SAMD12: variants seen among roughly 807,000 people sequenced by gnomAD.
SAMD12 encodes the protein sterile alpha motif domain-containing protein 12.
In SAMD12, 9 loss-of-function variants were observed where a neutral mutation model predicts 15.0. The observed-to-expected ratio is 0.60, with a 90% CI of 0.36 to 1.05. SAMD12 has a LOEUF of 1.05. Ranked by LOEUF, SAMD12 falls within the 50% of genes least tolerant of loss-of-function variation. The pLI is 0.01. For missense variants in SAMD12, 230 were observed against 234.2 expected, an observed-to-expected ratio of 0.98 and a Z score of 0.12; for synonymous variants, 86 against 90.1, an observed-to-expected ratio of 0.96 and a Z score of 0.25.
chr8:118,587,437 A>G (rs1235715027), intron 1 of SAMD12, among the ~76,000 whole-genome samples: 1 of 152,188 alleles, frequency 6.6e-6, no homozygotes, highest in African/African-American at 2.4e-5. Flanking sequence ...CAACACTCTC[A>G]TTTTTGCCAC....
intron 3 of SAMD12, among the ~76,000 whole-genome samples, chr8:118,423,392 C>T (rs1452622893): frequency 3.3e-5 from 5 of 152,110 alleles, no homozygotes; most frequent in South Asian, 2.1e-4. Context: ...GCTCACAGGA[C>T]GTTATATTTT....
intron 2 of SAMD12, among the ~76,000 whole-genome samples, chr8:118,456,698 G>T (rs1471638043): frequency 6.6e-6 from 1 of 152,192 alleles, no homozygotes; most frequent in Non-Finnish European, 1.5e-5. Context: ...GAATGTGTCT[G>T]CTCTGTCTCC....
chr8:118,443,929 C>T (rs1474261448), intron 2 of SAMD12, among the ~76,000 whole-genome samples: 1 of 152,174 alleles, frequency 6.6e-6, no homozygotes, highest in African/African-American at 2.4e-5. Flanking sequence ...CATGTTAAAC[C>T]TTATCACTTG....
chr8:118,518,161 C>T (rs1466444591), intron 2 of SAMD12, among the ~76,000 whole-genome samples: 1 of 152,172 alleles, frequency 6.6e-6, no homozygotes, highest in Admixed American at 6.5e-5. Flanking sequence ...CTTTGAAAAA[C>T]CAGGCATAAG....
chr8:118,612,043 C>G (rs558981057), intron 1 of SAMD12, among the ~76,000 whole-genome samples: 1 of 152,188 alleles, frequency 6.6e-6, no homozygotes, highest in Non-Finnish European at 1.5e-5. Flanking sequence ...AGCCTCACCC[C>G]TGCCATCCCC....
chr8:118,222,422 A>C (rs1812102141), intron 4 of SAMD12, among the ~76,000 whole-genome samples: 1 of 152,188 alleles, frequency 6.6e-6, no homozygotes, highest in Non-Finnish European at 1.5e-5. Context: ...CTAATTTAGA[A>C]AGTGGAGATA....
intron 2 of SAMD12, among the ~76,000 whole-genome samples, chr8:118,514,477 C>T (rs1354854591): frequency 1.3e-5 from 2 of 152,196 alleles, no homozygotes; most frequent in Non-Finnish European, 2.9e-5. Flanking sequence ...CATTCCATTA[C>T]TCTCTTCACT....
intron 4 of SAMD12, among the ~76,000 whole-genome samples, chr8:118,334,536 GTTC>G (rs1327708269): frequency 6.6e-6 from 1 of 151,926 alleles, no homozygotes. Context: ...TTGTCAGGAA[GTTC>G]TTCTCAAATC....
At chr8:118,294,814 T>A (rs183258223) in intron 4 of SAMD12, among the ~76,000 whole-genome samples, 19 of 152,306 alleles carry the variant, frequency 1.2e-4, no homozygotes, top group Admixed American at 2.6e-4. Context: ...TCTCTGAGCA[T>A]CTGCTTGGAT....
At chr8:118,202,930 A>T (rs1439509136) in intron 4 of SAMD12, among the ~76,000 whole-genome samples, 1 of 152,228 alleles carries the variant, frequency 6.6e-6, no homozygotes, top group African/African-American at 2.4e-5. Flanking sequence ...ATATGCCTAC[A>T]AAGGTTTTAT....
At chr8:118,492,637 C>T (rs1217964221) in intron 2 of SAMD12, among the ~76,000 whole-genome samples, 1 of 152,108 alleles carries the variant, frequency 6.6e-6, no homozygotes, top group Non-Finnish European at 1.5e-5. Context: ...TGTATTATTA[C>T]AGTGGGCCCA....
intron 2 of SAMD12, among the ~76,000 whole-genome samples, chr8:118,529,750 T>C (rs941182642): frequency 6.6e-6 from 1 of 152,222 alleles, no homozygotes; most frequent in Non-Finnish European, 1.5e-5. Context: ...CTGAGCAGTA[T>C]TCCATGATAT....
chr8:118,478,453 G>A (rs534918331), intron 2 of SAMD12, among the ~76,000 whole-genome samples: 1 of 152,320 alleles, frequency 6.6e-6, no homozygotes, highest in Non-Finnish European at 1.5e-5. Context: ...ACAAAGTAAT[G>A]AACCTGCTGC....
the SAMD12 span, among the ~76,000 whole-genome samples, chr8:118,136,826 G>T: frequency 3.3e-5 from 5 of 152,268 alleles, no homozygotes; most frequent in Admixed American, 6.5e-5. Flanking sequence ...AAGCAAAAGG[G>T]TAATCAATCC....
intron 3 of SAMD12, among the ~76,000 whole-genome samples, chr8:118,386,952 C>A (rs744080): frequency 2.0e-5 from 3 of 152,204 alleles, no homozygotes; most frequent in Non-Finnish European, 4.4e-5. Context: ...TGAATTACAA[C>A]GCCTCTTTTC....
At chr8:118,364,805 T>C (rs988834210) in intron 4 of SAMD12, among the ~76,000 whole-genome samples, 1 of 152,126 alleles carries the variant, frequency 6.6e-6, no homozygotes, top group Admixed American at 6.5e-5. Context: ...CCCTCTCCTT[T>C]ACCGTTTTTC....
intron 2 of SAMD12, among the ~76,000 whole-genome samples, chr8:118,457,217 TCTCTC>T (rs1349941923): frequency 2.8e-5 from 3 of 107,450 alleles, no homozygotes; most frequent in African/African-American, 8.6e-5. Flanking sequence ...ACTCTCTCTC[TCTCTC>T]TTTTTTTTTT....
At chr8:118,515,404 A>T (rs7840164) in intron 2 of SAMD12, among the ~76,000 whole-genome samples, 3 of 151,630 alleles carry the variant, frequency 2.0e-5, no homozygotes, top group Non-Finnish European at 4.4e-5. Flanking sequence ...AGTTTCCTGA[A>T]GCTTCCTCAG....
intron 2 of SAMD12, among the ~76,000 whole-genome samples, chr8:118,570,397 T>C (rs1171108386): frequency 6.6e-6 from 1 of 152,156 alleles, no homozygotes; most frequent in Non-Finnish European, 1.5e-5. Flanking sequence ...TATGTGTTGT[T>C]CCCTTCTATA....
Sources: gnomAD v4.1 joint callset for allele counts (sites outside exome capture counted in the v4.1 genomes callset) on GRCh38, gnomAD v4.1.1 for gene constraint, MANE v1.5 for transcripts, NCBI Gene and HGNC (gene_info 2026-07-23, HGNC 2026-07-21) for gene names.